Variants in ME3 observed in about 807,000 individuals in gnomAD.
ME3 encodes malic enzyme 3.
Under a neutral mutation model 68.9 loss-of-function variants are expected in ME3, and 48 were observed. That is an observed-to-expected ratio of 0.70 (90% confidence interval 0.55 to 0.89). The LOEUF (loss-of-function observed/expected upper bound fraction) is 0.89. Ranked by LOEUF, ME3 falls within the 40% of genes least tolerant of loss-of-function variation. The pLI is 0.00. For synonymous variants in ME3, 320 were observed against 318.8 expected (o/e 1.00, Z -0.04); for missense variants, 675 against 797.4 (o/e 0.85, Z 1.85).
intron 8 of ME3, among the ~76,000 whole-genome samples, chr11:86,452,136 C>T (rs908983974): frequency 1.4e-4 from 22 of 152,184 alleles, no homozygotes; most frequent in African/African-American, 4.3e-4. Flanking sequence ...TAATAACCCA[C>T]GTACAGAATT....
chr11:86,527,691 G>C (rs1361106658), intron 4 of ME3, among the ~76,000 whole-genome samples: 3 of 152,146 alleles, frequency 2.0e-5, no homozygotes, highest in Admixed American at 2.0e-4. Context: ...AAGAGAGTGG[G>C]GGCCAATATT....
intron 5 of ME3, among the ~76,000 whole-genome samples, chr11:86,502,680 C>T (rs1952805479): frequency 6.6e-6 from 1 of 152,204 alleles, no homozygotes; most frequent in African/African-American, 2.4e-5. Flanking sequence ...TAAAGCCAAG[C>T]AAACTTTTCT....
chr11:86,466,584 C>T (rs1167755012), intron 7 of ME3, among the ~76,000 whole-genome samples: 1 of 152,176 alleles, frequency 6.6e-6, no homozygotes, highest in East Asian at 1.9e-4. Context: ...TCTGATGAGG[C>T]TGGTGGCTAT....
chr11:86,469,707 C>A (rs1950679390), intron 7 of ME3, among the ~76,000 whole-genome samples: 1 of 152,222 alleles, frequency 6.6e-6, no homozygotes, highest in Admixed American at 6.5e-5. Flanking sequence ...GAAAGAGGCA[C>A]CTTCCCAAGC....
intron 1 of ME3, 49 bp downstream of exon 1, chr11:86,672,275 C>A: frequency 3.7e-6 from 1 of 272,948 alleles, no homozygotes; most frequent in Non-Finnish European, 6.8e-6. Context: ...TCCCCGTACC[C>A]CTAATCCCGC....
intron 5 of ME3, among the ~76,000 whole-genome samples, chr11:86,502,729 T>C (rs1952810229): frequency 6.6e-6 from 1 of 152,204 alleles, no homozygotes; most frequent in Admixed American, 6.5e-5. Context: ...TGGAAGAGTT[T>C]TATAATTCAT....
intron 13 of ME3, 58 bp from the exon 14 acceptor site, chr11:86,442,977 G>T: frequency 1.4e-6 from 2 of 1,414,982 alleles, no homozygotes; most frequent in Non-Finnish European, 2.0e-6. Context: ...CCCAAAACAA[G>T]CCCAACCCGT....
intron 2 of ME3, among the ~76,000 whole-genome samples, chr11:86,600,684 T>C (rs901765419): frequency 1.3e-5 from 2 of 151,952 alleles, no homozygotes; most frequent in Admixed American, 6.6e-5. Context: ...TATTCCAAAA[T>C]TGACCACATA....
chr11:86,484,241 T>C (rs1951569170), intron 7 of ME3, among the ~76,000 whole-genome samples: 1 of 145,660 alleles, frequency 6.9e-6, no homozygotes, highest in Non-Finnish European at 1.6e-5. Context: ...GAGATGAGGA[T>C]GTTGAAAGCA....
chr11:86,444,613 T>C (rs1302908765), intron 13 of ME3, among the ~76,000 whole-genome samples: 1 of 152,182 alleles, frequency 6.6e-6, no homozygotes, highest in African/African-American at 2.4e-5. Context: ...CTGGCAATGC[T>C]CTTCAGCAGG....
At chr11:86,579,236 T>C (rs949351) in intron 2 of ME3, among the ~76,000 whole-genome samples, 72,987 of 151,934 alleles carry the variant, frequency 0.48, 19,018 homozygotes, top group East Asian at 0.71. Flanking sequence ...TGTAGGCTGG[T>C]TTCGTGCCCA....
chr11:86,521,292 G>C (rs532306665), intron 4 of ME3, among the ~76,000 whole-genome samples: 3 of 152,076 alleles, frequency 2.0e-5, no homozygotes, highest in African/African-American at 7.3e-5. Context: ...CTACTTCAGA[G>C]GCTGAGGCAG....
intron 6 of ME3, among the ~76,000 whole-genome samples, chr11:86,496,783 A>T (rs996692973): frequency 9.9e-5 from 15 of 152,196 alleles, no homozygotes; most frequent in Admixed American, 9.2e-4. Context: ...ATAATGGTTA[A>T]TAGCCTGAAA....
At chr11:86,609,737 G>A (rs1019272332) in intron 2 of ME3, among the ~76,000 whole-genome samples, 1 of 152,152 alleles carries the variant, frequency 6.6e-6, no homozygotes, top group Non-Finnish European at 1.5e-5. Flanking sequence ...AATTGTAATA[G>A]CAAAAAATTG....
intron 2 of ME3, among the ~76,000 whole-genome samples, chr11:86,589,849 G>C (rs577226836): frequency 6.6e-6 from 1 of 152,242 alleles, no homozygotes; most frequent in African/African-American, 2.4e-5. Flanking sequence ...TGTTCTCCTT[G>C]GTCCAGAGCT....
At chr11:86,645,154 C>G (rs1477094304) in intron 2 of ME3, among the ~76,000 whole-genome samples, 1 of 152,206 alleles carries the variant, frequency 6.6e-6, no homozygotes, top group Non-Finnish European at 1.5e-5. Context: ...AGACACCAAA[C>G]TAGCTGCAGG....
intron 2 of ME3, among the ~76,000 whole-genome samples, chr11:86,579,897 T>G (rs1449129019): frequency 6.6e-6 from 1 of 152,200 alleles, no homozygotes; most frequent in Non-Finnish European, 1.5e-5. Context: ...CATTTTTTAT[T>G]AGACTTATAT....
In ME3 at chr11:86,448,449, G is replaced by GGT. The variant is rs373748422; in HGVS notation, c.1132-196_1132-195dup. ...TGGTGGGACATAAGTGTGAGAGTGG[G>GGT]GTGTGTGTGTGTGTGCATGTTTCTT... On this transcript the variant is annotated intron_variant, in intron 10 of 14. Transcript: ENST00000543262. Among the ~76,000 whole-genome samples the GGT allele has an allele frequency of 2.1e-3, 312 of 151,812 alleles. 1 individual carries two copies. The highest frequency in any genetic ancestry group is 2.3e-3 in the Non-Finnish European group (158 of 67,872).
chr11:86,659,908 A>AT (rs545825082), intron 2 of ME3, among the ~76,000 whole-genome samples: 19 of 149,896 alleles, frequency 1.3e-4, no homozygotes, highest in South Asian at 8.5e-4. Context: ...GGCTGGATCT[A>AT]TTTTTTTTTT....
Sources: gnomAD v4.1 joint callset for allele counts (sites outside exome capture counted in the v4.1 genomes callset) on GRCh38, gnomAD v4.1.1 for gene constraint, MANE v1.5 for transcripts, NCBI Gene and HGNC (gene_info 2026-07-23, HGNC 2026-07-21) for gene names.